Variants in ZNF475 observed in about 807,000 individuals in gnomAD.
The protein encoded by ZNF475 is zinc finger protein 475.
At chr5:122,174,806 A>C in the ZNF475 span, among the ~76,000 whole-genome samples, 1 of 152,254 alleles carries the variant, frequency 6.6e-6, no homozygotes, top group Non-Finnish European at 1.5e-5. Context: ...TATTAAATTC[A>C]CTATTTTCAA....
At chr5:122,175,909 T>G in the ZNF475 span, among the ~76,000 whole-genome samples, 1 of 152,198 alleles carries the variant, frequency 6.6e-6, no homozygotes, top group African/African-American at 2.4e-5. Context: ...TTCTGCAAGT[T>G]TTTTGAAAGT....
At chr5:122,166,084 C>T in the ZNF475 span, among the ~76,000 whole-genome samples, 1 of 152,188 alleles carries the variant, frequency 6.6e-6, no homozygotes, top group Admixed American at 6.5e-5. Context: ...CCAAAGTTCT[C>T]AGCTCTCTCT....
chr5:122,180,964 T>A, the ZNF475 span, among the ~76,000 whole-genome samples: 1 of 152,178 alleles, frequency 6.6e-6, no homozygotes, highest in East Asian at 1.9e-4. Flanking sequence ...TTTCCAGCAT[T>A]TCTCATTTGG....
chr5:122,164,967 A>G, the ZNF475 span, among the ~76,000 whole-genome samples: 1 of 152,184 alleles, frequency 6.6e-6, no homozygotes, highest in Non-Finnish European at 1.5e-5. Context: ...AAGGGGTTGG[A>G]CTGAGATGAA....
the ZNF475 span, among the ~76,000 whole-genome samples, chr5:122,167,804 C>CA: frequency 6.6e-6 from 1 of 152,182 alleles, no homozygotes; most frequent in Non-Finnish European, 1.5e-5. Flanking sequence ...ATTCCTTTAT[C>CA]ACCTTCCACT....
chr5:122,162,575 G>T, the ZNF475 span: 2 of 152,302 alleles, frequency 1.3e-5, no homozygotes, highest in African/African-American at 4.8e-5. Context: ...TCTCAGTCAA[G>T]TTGGTTGAAA....
At chr5:122,166,500 A>G in the ZNF475 span, among the ~76,000 whole-genome samples, 21 of 151,968 alleles carry the variant, frequency 1.4e-4, no homozygotes, top group African/African-American at 1.9e-4. Context: ...CCCTCCCCCA[A>G]TCCCACGACA....
the ZNF475 span, among the ~76,000 whole-genome samples, chr5:122,163,833 TAC>T: frequency 6.6e-6 from 1 of 152,222 alleles, no homozygotes; most frequent in Non-Finnish European, 1.5e-5. Context: ...TGCCTTAAAG[TAC>T]AGCTTCTTTT....
At chr5:122,163,377 C>T in the ZNF475 span, 1 of 152,190 alleles carries the variant, frequency 6.6e-6, no homozygotes, top group South Asian at 2.1e-4. Flanking sequence ...CTTGGTCAGA[C>T]ATGTTTAATA....
the ZNF475 span, among the ~76,000 whole-genome samples, chr5:122,168,706 C>A: frequency 6.6e-6 from 1 of 152,110 alleles, no homozygotes; most frequent in African/African-American, 2.4e-5. Context: ...AGCAAGACTC[C>A]GTCTAAAAAA....
chr5:122,160,179 T>C, the ZNF475 span: 20 of 1,278,444 alleles, frequency 1.6e-5, no homozygotes, highest in Middle Eastern at 4.3e-4. Flanking sequence ...TTTCTTCATC[T>C]TTCCTTGGTG....
At chr5:122,163,086 G>T in the ZNF475 span, 4 of 152,188 alleles carry the variant, frequency 2.6e-5, no homozygotes, top group Non-Finnish European at 5.9e-5. Context: ...ACCATAAGAG[G>T]TTGGAATGAG....
At chr5:122,181,328 A>C in the ZNF475 span, among the ~76,000 whole-genome samples, 5 of 152,334 alleles carry the variant, frequency 3.3e-5, no homozygotes, top group African/African-American at 7.2e-5. Context: ...AATCACCTTC[A>C]AGTGAGAGTC....
At chr5:122,171,373 C>T in the ZNF475 span, among the ~76,000 whole-genome samples, 1 of 152,126 alleles carries the variant, frequency 6.6e-6, no homozygotes, top group African/African-American at 2.4e-5. Flanking sequence ...TAGTGAGTAT[C>T]ATTCCAGGCA....
chr5:122,182,563 G>T, the ZNF475 span: 1 of 1,535,444 alleles, frequency 6.5e-7, no homozygotes, highest in Non-Finnish European at 8.7e-7. Flanking sequence ...TTGGTTCCCT[G>T]TAATGTTTGT....
At chr5:122,174,203 T>TC in the ZNF475 span, among the ~76,000 whole-genome samples, 7,181 of 152,124 alleles carry the variant, frequency 0.047, 543 homozygotes, top group African/African-American at 0.16. Context: ...CTTCTCTCCA[T>TC]CCCCCACATA....
chr5:122,168,952 G>C, the ZNF475 span, among the ~76,000 whole-genome samples: 19,520 of 152,120 alleles, frequency 0.13, 1,422 homozygotes, highest in South Asian at 0.2. Context: ...GATGAAGTCT[G>C]GGATCTGGAC....
the ZNF475 span, among the ~76,000 whole-genome samples, chr5:122,168,918 TC>T: frequency 6.6e-6 from 1 of 152,082 alleles, no homozygotes; most frequent in Non-Finnish European, 1.5e-5. Context: ...TTGTCAAATC[TC>T]CACCCCACTG....
At chr5:122,170,897 T>A in the ZNF475 span, among the ~76,000 whole-genome samples, 2 of 152,170 alleles carry the variant, frequency 1.3e-5, no homozygotes, top group Non-Finnish European at 2.9e-5. Context: ...TAGAAGCTCT[T>A]GTTTCAGAAA....
Sources: gnomAD v4.1 joint callset for allele counts (sites outside exome capture counted in the v4.1 genomes callset) on GRCh38, gnomAD v4.1.1 for gene constraint, MANE v1.5 for transcripts, NCBI Gene and HGNC (gene_info 2026-07-23, HGNC 2026-07-21) for gene names.